Variants in WIF1 observed in about 807,000 individuals in gnomAD.
The protein encoded by WIF1 is Wnt inhibitory factor 1.
A neutral mutation model predicts 53.5 loss-of-function variants in WIF1; 35 were observed. The ratio of observed to expected loss-of-function variants is 0.65; its 90% CI spans 0.50 to 0.87. The LOEUF is 0.87. Ranked by LOEUF, WIF1 falls within the 40% of genes least tolerant of loss-of-function variation. WIF1 has a pLI of 0.00. For synonymous variants in WIF1, 171 were observed against 170.4 expected (o/e 1.00, Z -0.03); for missense variants, 467 against 476.8 (o/e 0.98, Z 0.19).
At chr12:65,062,396 C>T (rs553592320) in intron 7 of WIF1, 85 bp downstream of exon 7, 28 of 1,171,832 alleles carry the variant, frequency 2.4e-5, no homozygotes, top group South Asian at 1.0e-4. Flanking sequence ...TCTGGGCTTC[C>T]GACTCCTCCT....
chr12:65,106,201 G>C (rs114417406), intron 2 of WIF1, among the ~76,000 whole-genome samples: 1 of 152,036 alleles, frequency 6.6e-6, no homozygotes, highest in Admixed American at 6.5e-5. Flanking sequence ...AGAGGGGACA[G>C]GTTGGCACTT....
rs2034479041 is a variant in WIF1 at position 65,114,281 on chromosome 12, C to T, written c.288+6136G>A. On this transcript the variant is annotated intron_variant, in intron 2 of 9. Transcript: ENST00000286574. ...GGAAACTTGAGAGTGCAAACTGTAG[C>T]CAATTTAATGGGACCAGTGTTACAT... 2.6e-5 allele frequency among the ~76,000 whole-genome samples: 4 copies of T among 151,974 alleles called. No homozygotes were observed. The South Asian group carries it at 8.3e-4, about 32-fold the overall frequency.
intron 2 of WIF1, among the ~76,000 whole-genome samples, chr12:65,115,960 C>T (rs1592406860): frequency 6.6e-6 from 1 of 152,130 alleles, no homozygotes; most frequent in East Asian, 1.9e-4. Context: ...AAAAATGATA[C>T]CAGATAATAA....
chr12:65,096,891 C>T (rs1237112405), intron 2 of WIF1, among the ~76,000 whole-genome samples: 3 of 151,746 alleles, frequency 2.0e-5, no homozygotes, highest in Non-Finnish European at 4.4e-5. Flanking sequence ...GGAGGGAGAA[C>T]ATTAGGAGAC....
intron 7 of WIF1, among the ~76,000 whole-genome samples, chr12:65,059,867 G>A (rs988648162): frequency 1.3e-5 from 2 of 152,102 alleles, no homozygotes; most frequent in Admixed American, 6.5e-5. Flanking sequence ...GGCCAGGCTG[G>A]TCTCTAACTC....
intron 2 of WIF1, among the ~76,000 whole-genome samples, chr12:65,084,447 G>A (rs1052045480): frequency 6.6e-6 from 1 of 152,180 alleles, no homozygotes; most frequent in African/African-American, 2.4e-5. Context: ...CTGGCCCGAG[G>A]TGATACCATA....
At chr12:65,098,457 C>G (rs56280475) in intron 2 of WIF1, among the ~76,000 whole-genome samples, 10,427 of 152,120 alleles carry the variant, frequency 0.069, 567 homozygotes, top group East Asian at 0.26. Flanking sequence ...TTCCAAAGCC[C>G]CCCAGTCAGG....
intron 2 of WIF1, among the ~76,000 whole-genome samples, chr12:65,091,857 A>C (rs929587670): frequency 5.9e-5 from 9 of 152,160 alleles, no homozygotes; most frequent in African/African-American, 2.2e-4. Context: ...ATATTTACTG[A>C]GTAGTTTCCA....
Position 65,091,158 on chromosome 12 carries a change from A to G in WIF1, c.289-13304T>C, listed in dbSNP as rs530524600. The stretch of plus-strand genomic sequence containing the variant: ...ATTTAAAGGATAGCGGAATAAGTTA[A>G]ACTACACCACAAAGATGTAATCAGT... On this transcript the variant is annotated intron_variant, in intron 2 of 9. Coordinates refer to ENST00000286574, the MANE Select transcript of WIF1 (RefSeq NM_007191.5). Among the ~76,000 whole-genome samples, 8 of 152,184 alleles carry G rather than the reference A, an allele frequency of 5.3e-5. No individual in the cohort carries two copies. The East Asian group carries it at 1.5e-3, about 29-fold the overall frequency.
At chr12:65,060,020 A>AT (rs1230047540) in intron 7 of WIF1, among the ~76,000 whole-genome samples, 2 of 92,970 alleles carry the variant, frequency 2.2e-5, no homozygotes, top group South Asian at 3.8e-4. Context: ...TATACATTTC[A>AT]TTTAAAAAAA....
chr12:65,061,299 C>A (rs1053598126), intron 7 of WIF1, among the ~76,000 whole-genome samples: 1 of 152,156 alleles, frequency 6.6e-6, no homozygotes, highest in African/African-American at 2.4e-5. Flanking sequence ...AACTTTCAAT[C>A]TACAATACAC....
At chr12:65,075,565 G>A (rs187753028) in intron 3 of WIF1, among the ~76,000 whole-genome samples, 2 of 152,218 alleles carry the variant, frequency 1.3e-5, no homozygotes, top group Admixed American at 6.5e-5. Flanking sequence ...AGCATATCTT[G>A]AATCAATTCA....
chr12:65,061,479 G>C (rs1175817298), intron 7 of WIF1, among the ~76,000 whole-genome samples: 1 of 152,140 alleles, frequency 6.6e-6, no homozygotes, highest in African/African-American at 2.4e-5. Context: ...TCTTTCTTGA[G>C]CATGTGCTTT....
chr12:65,050,668 G>C lies in WIF1; in HGVS notation c.*681C>G. The C allele has an allele frequency of 5.5e-6, 1 of 180,566 alleles. No individual in the cohort carries two copies. Among genetic ancestry groups the C allele is most frequent in the Non-Finnish European group, 1.2e-5 (1 of 84,216 alleles). 11.2% of individuals were successfully genotyped at this position (180,566 alleles called of 1,614,324 possible). ...CACCTTTATTTTATACATACAAACAGTATAAAATGTTTATTAGGTAAGAGC... is the reference window on the plus strand; with the variant it reads ...CACCTTTATTTTATACATACAAACACTATAAAATGTTTATTAGGTAAGAGC... On this transcript the variant is annotated 3_prime_UTR_variant, in exon 10 of 10. Coordinates refer to ENST00000286574, the MANE Select transcript of WIF1 (RefSeq NM_007191.5).
chr12:65,050,741 G>T lies in WIF1; in HGVS notation c.*608C>A, dbSNP rs1882426752. On this transcript the variant is annotated 3_prime_UTR_variant, in exon 10 of 10. Transcript: ENST00000286574. ...ATATTGCTTCAAGCCAATGCAAAAA[G>T]TTCATACATTATATTCCCTATTTCA... The T allele has an allele frequency of 5.3e-6, 1 of 187,800 alleles. No individual in the cohort carries two copies. Among genetic ancestry groups the T allele is most frequent in the African/African-American group, 2.3e-5 (1 of 42,574 alleles). The allele number at this position is 187,800 out of a possible 1,614,324, so 11.6% of individuals were successfully genotyped here. A position where few individuals can be genotyped will look rare whatever the true frequency, so the allele number is the denominator to read the frequency against.
chr12:65,075,530 T>C (rs1346479654), intron 3 of WIF1, among the ~76,000 whole-genome samples: 1 of 152,208 alleles, frequency 6.6e-6, no homozygotes, highest in Non-Finnish European at 1.5e-5. Context: ...ACCCTATGTA[T>C]AGAAAAACTT....
intron 3 of WIF1, among the ~76,000 whole-genome samples, chr12:65,071,657 A>G (rs1321326636): frequency 6.6e-6 from 1 of 152,182 alleles, no homozygotes; most frequent in Non-Finnish European, 1.5e-5. Context: ...TTCAGCTTCA[A>G]GTTAAAAATG....
Position 65,050,912 on chromosome 12 carries a change from A to G in WIF1, c.*437T>C, listed in dbSNP as rs1882429976. On this transcript the variant is annotated 3_prime_UTR_variant, in exon 10 of 10. Coordinates refer to ENST00000286574, the MANE Select transcript of WIF1 (RefSeq NM_007191.5). ...ATTAAGAGCAATTTTTAAAAATGTA[A>G]CAAACATCTAAATATCTGACAATAA... is the stretch of plus-strand genomic sequence containing the variant. The G allele has an allele frequency of 4.4e-6, 1 of 225,106 alleles. No individual in the cohort carries two copies. The highest frequency in any genetic ancestry group is 8.8e-6 in the Non-Finnish European group (1 of 113,044). 13.9% of individuals were successfully genotyped at this position (225,106 alleles called of 1,614,324 possible).
rs770703475 is a variant in WIF1 at position 65,051,417 on chromosome 12, G to A, written c.1072C>T (p.Gln358Ter). The change falls in exon 10 of 10, where the codon CAG becomes TAG. Residue 358 changes from glutamine (Q) to a stop codon, truncating the protein, a stop_gained. Coordinates refer to ENST00000286574, the MANE Select transcript of WIF1 (RefSeq NM_007191.5). LOFTEE classifies it high-confidence loss of function. ...ALRPAGAQLR[Q>*]HTPSLKKAEE... ...GCCTTTTTAAGTGAAGGCGTGTGCT[G>A]CCTGAGCTGGGCGCCTGCTGGCCTC... The A allele has an allele frequency of 6.2e-7, 1 of 1,613,702 alleles. No homozygotes were observed.
Sources: gnomAD v4.1 joint callset for allele counts (sites outside exome capture counted in the v4.1 genomes callset) on GRCh38, gnomAD v4.1.1 for gene constraint, MANE v1.5 for transcripts, NCBI Gene and HGNC (gene_info 2026-07-23, HGNC 2026-07-21) for gene names.